The following MROH2B variants were observed in gnomAD, a reference collection of about 807,000 sequenced individuals.
MROH2B encodes maestro heat-like repeat-containing protein family member 2B.
In MROH2B, 177 loss-of-function variants were observed where a neutral mutation model predicts 208.6. That is an observed-to-expected ratio of 0.85 (90% CI 0.75 to 0.96). The LOEUF (loss-of-function observed/expected upper bound fraction) is 0.96. Ranked by LOEUF, MROH2B falls within the 40% of genes least tolerant of loss-of-function variation. MROH2B has a pLI of 0.00. For missense variants in MROH2B, 2,002 were observed against 1,878.7 expected (o/e 1.07, Z -1.21); for synonymous variants, 728 against 659.0 (o/e 1.10, Z -1.60).
rs1203047528 is a variant in MROH2B at position 41,033,257 on chromosome 5, G to A, written c.2242-97C>T. The A allele has an allele frequency of 1.5e-5, 22 of 1,498,272 alleles. No individual in the cohort carries two copies. The East Asian group carries it at 2.2e-4, about 15-fold the overall frequency. 92.8% of individuals were successfully genotyped at this position (1,498,272 alleles called of 1,614,324 possible). A position where few individuals can be genotyped will look rare whatever the true frequency, so the allele number is the denominator to read the frequency against. On this transcript the variant is annotated intron_variant, in intron 22 of 41. Transcript: ENST00000399564. ...AGCTTTGAAATATGTTCCCAGACAG[G>A]AGTGAGAATCTTTGCTTCCTTTGCC...
chr5:41,052,606 A>T lies in MROH2B; in HGVS notation c.1108-19T>A. On this transcript the variant is annotated intron_variant, in intron 11 of 41. Coordinates refer to ENST00000399564, the MANE Select transcript of MROH2B (RefSeq NM_173489.5). ...TTCTTACCTAGGGTAAGAACAATGC[A>T]ATAGCAACATTTTACTATGTTTTGC... The T allele has an allele frequency of 2.5e-6, 4 of 1,587,572 alleles. No individual in the cohort carries two copies. The highest frequency in any genetic ancestry group is 3.4e-6 in the Non-Finnish European group (4 of 1,165,146).
Position 41,028,741 on chromosome 5 carries a change from G to T in MROH2B, c.2441+4001C>A, listed in dbSNP as rs142222512. ...AGACACCTAGGTTGTTTCTATATCT[G>T]TGCTATTGTTAATAATGCTGCAATA... On this transcript the variant is annotated intron_variant, in intron 24 of 41. Coordinates refer to ENST00000399564, the MANE Select transcript of MROH2B (RefSeq NM_173489.5). 2.6e-5 allele frequency among the ~76,000 whole-genome samples: 4 copies of T among 152,142 alleles called. 1 individual carries two copies. The South Asian group carries it at 8.3e-4, about 32-fold the overall frequency.
intron 24 of MROH2B, among the ~76,000 whole-genome samples, chr5:41,023,021 T>C (rs894425246): frequency 1.3e-5 from 2 of 152,074 alleles, no homozygotes; most frequent in African/African-American, 4.8e-5. Context: ...AGAAAGGACA[T>C]CCACACCAAA....
At chr5:41,057,411 G>T in intron 7 of MROH2B, 51 bp from the exon 8 acceptor site, 1 of 1,369,894 alleles carries the variant, frequency 7.3e-7, no homozygotes. Context: ...GGAAGCAGCT[G>T]CACAGGATGT....
In MROH2B at chr5:41,033,858, C is replaced by T; in HGVS notation, c.2221G>A (p.Gly741Ser). 1 of 1,546,308 alleles carries T rather than the reference C, an allele frequency of 6.5e-7. No homozygotes were observed. The highest frequency in any genetic ancestry group is 8.7e-7 in the Non-Finnish European group (1 of 1,143,506). ...SLHGQCSQVL[G>S]MSVMNKDMDL... ...CCTACCTTGTTCATCACAGACATGC[C>T]CAGAACCTAAAAAAAATCAAAGGCA... is the stretch of plus-strand genomic sequence containing the variant. Residue 741 changes from glycine (G) to serine (S), a missense_variant, in exon 22 of 42, where the codon GGC becomes AGC. By Grantham distance (56) the Gly-to-Ser change is moderately conservative. Coordinates refer to ENST00000399564, the MANE Select transcript of MROH2B (RefSeq NM_173489.5).
intron 24 of MROH2B, among the ~76,000 whole-genome samples, chr5:41,019,818 C>T (rs1275408249): frequency 6.6e-6 from 1 of 152,102 alleles, no homozygotes; most frequent in African/African-American, 2.4e-5. Flanking sequence ...TGGCTCACTG[C>T]TTTAAAAGAA....
intron 24 of MROH2B, among the ~76,000 whole-genome samples, chr5:41,027,128 G>A (rs1379686851): frequency 6.6e-6 from 1 of 152,170 alleles, no homozygotes; most frequent in Non-Finnish European, 1.5e-5. Context: ...ATAGGCATGG[G>A]CAAGGACTTC....
At chr5:41,024,417 A>G (rs1742275347) in intron 24 of MROH2B, among the ~76,000 whole-genome samples, 1 of 152,204 alleles carries the variant, frequency 6.6e-6, no homozygotes, top group Admixed American at 6.5e-5. Context: ...TTAAACCAAA[A>G]AAGATCAAAA....
At chr5:41,036,983 C>A (rs1742786653) in intron 21 of MROH2B, among the ~76,000 whole-genome samples, 1 of 152,050 alleles carries the variant, frequency 6.6e-6, no homozygotes, top group African/African-American at 2.4e-5. Flanking sequence ...ACTAACTGTA[C>A]CCTGAAAGTG....
intron 21 of MROH2B, 131 bp from the exon 22 acceptor site, chr5:41,033,995 G>C: frequency 1.5e-6 from 2 of 1,342,548 alleles, no homozygotes; most frequent in Non-Finnish European, 1.9e-6. Flanking sequence ...TGCCAAGGGG[G>C]GTCTTGCCAA....
intron 2 of MROH2B, 55 bp downstream of exon 2, chr5:41,069,636 A>T (rs1743921460): frequency 1.3e-5 from 18 of 1,355,210 alleles, no homozygotes; most frequent in Non-Finnish European, 1.0e-6. Context: ...TATATACGAA[A>T]TGTTGCAACA....
intron 19 of MROH2B, among the ~76,000 whole-genome samples, chr5:41,041,379 C>A (rs545768169): frequency 6.6e-6 from 1 of 152,116 alleles, no homozygotes; most frequent in Non-Finnish European, 1.5e-5. Context: ...GTAATCCCAG[C>A]GCTTTGGAAG....
chr5:41,047,859 A>G (rs1055646776), intron 16 of MROH2B, 95 bp from the exon 17 acceptor site: 4 of 1,033,282 alleles, frequency 3.9e-6, no homozygotes, highest in African/African-American at 3.2e-5. Context: ...CTGGAGTTCT[A>G]TTTTAAGCTT....
intron 24 of MROH2B, among the ~76,000 whole-genome samples, chr5:41,020,200 T>C (rs1742098634): frequency 6.6e-6 from 1 of 152,078 alleles, no homozygotes; most frequent in Non-Finnish European, 1.5e-5. Context: ...TGAAATAGTA[T>C]ACTAAATATA....
intron 6 of MROH2B, among the ~76,000 whole-genome samples, chr5:41,059,222 A>G (rs965048330): frequency 6.6e-6 from 1 of 152,038 alleles, no homozygotes; most frequent in African/African-American, 2.4e-5. Flanking sequence ...ATCCACTAGA[A>G]TCTTGCTGCC....
At chr5:41,034,156 G>T in intron 21 of MROH2B, 1 of 756,326 alleles carries the variant, frequency 1.3e-6, no homozygotes, top group Non-Finnish European at 1.6e-6. Flanking sequence ...ATTTTAAAGA[G>T]GCTCAACAGA....
In MROH2B at chr5:41,000,859, T is replaced by C. The variant is rs939280355; in HGVS notation, c.4195-26A>G. ...CTGTGGTGACGAATGCATGTCGTGGTGAATATCCTCTCAGAGGCCATTCCC... is the reference window on the plus strand; with the variant it reads ...CTGTGGTGACGAATGCATGTCGTGGCGAATATCCTCTCAGAGGCCATTCCC... On this transcript the variant is annotated intron_variant, in intron 37 of 41. Transcript: ENST00000399564. 2.5e-6 allele frequency: 4 copies of C among 1,596,570 alleles called. No homozygotes were observed. In the Admixed American group the frequency reaches 5.2e-5, roughly 21 times the overall value.
intron 24 of MROH2B, among the ~76,000 whole-genome samples, chr5:41,031,432 G>A (rs929814665): frequency 1.3e-5 from 2 of 152,036 alleles, no homozygotes; most frequent in African/African-American, 2.4e-5. Flanking sequence ...ATTACAATTC[G>A]AGATGAGATT....
chr5:41,067,196 G>C lies in MROH2B; in HGVS notation c.113C>G (p.Thr38Ser), dbSNP rs1007274154. ...GATGTCAGTATTCTGAATAACAGAA[G>C]TGAGATGACTGTAAATGTCTTCCTG... is the stretch of plus-strand genomic sequence containing the variant. ...VNKEDIYSHL[T>S]SVIQNTDILD... Residue 38 changes from threonine (T) to serine (S), a missense_variant, in exon 3 of 42, where the codon ACT (threonine) becomes AGT (serine). Physicochemically the swap from Thr to Ser is moderately conservative, Grantham distance 58. Coordinates refer to ENST00000399564, the MANE Select transcript of MROH2B (RefSeq NM_173489.5). 2 of 1,552,046 alleles carry C rather than the reference G, an allele frequency of 1.3e-6. No homozygotes were observed. Among genetic ancestry groups the C allele is most frequent in the Non-Finnish European group, 8.7e-7 (1 of 1,145,970 alleles).
Sources: gnomAD v4.1 joint callset for allele counts (sites outside exome capture counted in the v4.1 genomes callset) on GRCh38, gnomAD v4.1.1 for gene constraint, MANE v1.5 for transcripts, NCBI Gene and HGNC (gene_info 2026-07-23, HGNC 2026-07-21) for gene names.